Variants in EFL1 observed in about 807,000 individuals in gnomAD.
EFL1 encodes elongation factor-like GTPase 1.
EFL1 carries 76 observed loss-of-function variants against 126.7 expected under a neutral mutation model. The ratio of observed to expected loss-of-function variants is 0.60; its 90% CI spans 0.50 to 0.73. EFL1 has a LOEUF of 0.73. Among genes scored for constraint, EFL1 ranks in the 30% least tolerant of loss-of-function variants. The probability of loss-of-function intolerance (pLI) is 0.00; values close to 1 mark genes in which losing one functional copy is unlikely to be tolerated. For synonymous variants in EFL1, 410 were observed against 448.4 expected, an observed-to-expected ratio of 0.91 and a Z score of 1.08; for missense variants, 1,128 against 1,343.2, an observed-to-expected ratio of 0.84 and a Z score of 2.50.
Position 82,241,419 on chromosome 15 carries a change from T to C in EFL1, c.245-16A>G. 2 of 1,609,122 alleles carry C rather than the reference T, an allele frequency of 1.2e-6. No homozygotes were observed. Among genetic ancestry groups the C allele is most frequent in the Non-Finnish European group, 1.7e-6 (2 of 1,176,906 alleles). ...TCCTCATTACCTAAAATACAATTTG[T>C]AAACACACATTTTCAGTTGTCCAGG... On this transcript the variant is annotated splice_polypyrimidine_tract_variant and intron_variant, in intron 4 of 19. Transcript: ENST00000268206.
intron 19 of EFL1, among the ~76,000 whole-genome samples, chr15:82,133,564 G>A (rs1169091764): frequency 3.9e-5 from 6 of 152,206 alleles, no homozygotes; most frequent in Admixed American, 3.3e-4. Flanking sequence ...TACTGTAAGA[G>A]ATGTTAACAT....
At chr15:82,165,162 G>A (rs1020982061) in intron 15 of EFL1, among the ~76,000 whole-genome samples, 1 of 152,114 alleles carries the variant, frequency 6.6e-6, no homozygotes, top group Non-Finnish European at 1.5e-5. Context: ...CCAGGTACTT[G>A]AGAGGTTGAG....
In EFL1 at chr15:82,261,812, T is replaced by C; in HGVS notation, c.-19-15A>G. 2.5e-6 allele frequency: 4 copies of C among 1,598,728 alleles called. No homozygotes were observed. The highest frequency in any genetic ancestry group is 1.1e-5 in the South Asian group (1 of 89,664). ...ATTTCCTGTGACTAAAAATTAAATA[T>C]GTATTACAAATGGCCCAGAGGCTAA... On this transcript the variant is annotated splice_polypyrimidine_tract_variant and intron_variant, in intron 1 of 19. Transcript: ENST00000268206.
At chr15:82,209,376 T>C (rs150215546) in intron 15 of EFL1, among the ~76,000 whole-genome samples, 268 of 150,420 alleles carry the variant, frequency 1.8e-3, no homozygotes, top group African/African-American at 6.4e-3. Context: ...TGACTTCCTA[T>C]TGACCCAGCA....
intron 15 of EFL1, chr15:82,174,116 G>T (rs1444302586): frequency 6.6e-6 from 1 of 152,194 alleles, no homozygotes; most frequent in Non-Finnish European, 1.5e-5. Context: ...GTGAACCCGG[G>T]AGGCGGAGTT....
In EFL1 at chr15:82,154,881, C is replaced by T. The variant is rs182380242; in HGVS notation, c.2031-2458G>A. ...GGCTCAAGCAACCCTCTTGCCTCAG[C>T]TTCCTGAGTATCTGGTATTACAGGC... On this transcript the variant is annotated intron_variant, in intron 17 of 19. Transcript: ENST00000268206. Among the ~76,000 whole-genome samples the T allele has an allele frequency of 3.9e-5, 6 of 152,318 alleles. No individual in the cohort carries two copies. The East Asian group carries it at 1.2e-3, about 29-fold the overall frequency.
intron 19 of EFL1, among the ~76,000 whole-genome samples, chr15:82,137,765 A>G (rs1310108776): frequency 1.3e-5 from 2 of 152,208 alleles, no homozygotes; most frequent in Non-Finnish European, 2.9e-5. Flanking sequence ...TGAGTTTACA[A>G]TTTGATTCCT....
chr15:82,254,931 T>C (rs988943773), intron 3 of EFL1, among the ~76,000 whole-genome samples: 6 of 152,144 alleles, frequency 3.9e-5, no homozygotes, highest in African/African-American at 9.7e-5. Context: ...GAGAATGAGA[T>C]GTAGACCTTC....
chr15:82,244,970 G>A (rs2074958247), intron 4 of EFL1, among the ~76,000 whole-genome samples: 2 of 152,254 alleles, frequency 1.3e-5, no homozygotes, highest in Admixed American at 6.5e-5. Context: ...ATGTGTCAGT[G>A]TATTGGTAGA....
chr15:82,250,096 G>A (rs960689252), intron 4 of EFL1, among the ~76,000 whole-genome samples: 3 of 150,494 alleles, frequency 2.0e-5, no homozygotes, highest in Non-Finnish European at 4.4e-5. Flanking sequence ...CAATCATCAG[G>A]TTTCCCTCTT....
chr15:82,173,224 C>A (rs976604426), intron 15 of EFL1, among the ~76,000 whole-genome samples: 2 of 151,792 alleles, frequency 1.3e-5, no homozygotes, highest in Non-Finnish European at 2.9e-5. Context: ...TAAAACAGTA[C>A]AATAATAGCA....
chr15:82,241,667 A>G (rs72749601), intron 4 of EFL1, among the ~76,000 whole-genome samples: 2,352 of 152,330 alleles, frequency 0.015, 30 homozygotes, highest in Non-Finnish European at 0.023. Context: ...AGCCACTATG[A>G]TACTCACTTT....
Position 82,227,546 on chromosome 15 carries a change from G to T in EFL1, c.1096C>A (p.Pro366Thr). Residue 366 changes from proline (P) to threonine (T), a missense_variant, in exon 11 of 20, where the codon CCC becomes ACC. Pro to Thr is a conservative substitution (Grantham distance 38). This residue lies in a region of EFL1 where 316 missense variants were observed against 318.5 expected (regional missense o/e 0.99). Coordinates refer to ENST00000268206, the MANE Select transcript of EFL1 (RefSeq NM_024580.6). Reference sequence around the variant, plus strand: ...ACTCTCTCAGCTGTAATATCAAGGGGACTAGGAAGTTTCTGACACACCATA... The same window carrying T: ...ACTCTCTCAGCTGTAATATCAAGGGTACTAGGAAGTTTCTGACACACCATA... ...LAMVCQKLPSPLDITAERVER... is the reference protein window; with the variant it reads ...LAMVCQKLPSTLDITAERVER... 1 of 1,614,124 alleles carries T rather than the reference G, an allele frequency of 6.2e-7. No homozygotes were observed. The highest frequency in any genetic ancestry group is 8.5e-7 in the Non-Finnish European group (1 of 1,180,008).
intron 15 of EFL1, among the ~76,000 whole-genome samples, chr15:82,180,751 T>TC: frequency 6.6e-6 from 1 of 151,916 alleles, no homozygotes; most frequent in South Asian, 2.1e-4. Context: ...AATTTTTCTT[T>TC]CTTTTTTTTT....
intron 15 of EFL1, among the ~76,000 whole-genome samples, chr15:82,200,888 G>T (rs2074460527): frequency 1.3e-5 from 2 of 150,752 alleles, no homozygotes; most frequent in African/African-American, 4.9e-5. Flanking sequence ...ATGTACTTGA[G>T]AATTTTTTTT....
At chr15:82,135,626 A>G (rs2073712501) in intron 19 of EFL1, among the ~76,000 whole-genome samples, 1 of 152,222 alleles carries the variant, frequency 6.6e-6, no homozygotes, top group Admixed American at 6.5e-5. Context: ...CTGTATTCCA[A>G]CAAATTTTAT....
At chr15:82,156,230 G>A (rs751296722) in intron 17 of EFL1, among the ~76,000 whole-genome samples, 5 of 152,116 alleles carry the variant, frequency 3.3e-5, no homozygotes, top group South Asian at 2.1e-4. Flanking sequence ...ATGAGGTAGC[G>A]GTCTAGTTTC....
At chr15:82,140,773 G>A (rs2073778055) in intron 18 of EFL1, among the ~76,000 whole-genome samples, 1 of 151,968 alleles carries the variant, frequency 6.6e-6, no homozygotes, top group African/African-American at 2.4e-5. Context: ...TATTTCCCCC[G>A]TCATTCATAC....
intron 15 of EFL1, among the ~76,000 whole-genome samples, chr15:82,204,338 C>T (rs1019704196): frequency 6.6e-6 from 1 of 152,086 alleles, no homozygotes; most frequent in African/African-American, 2.4e-5. Context: ...TCACCTTTCC[C>T]CCAAGCTATC....
Sources: allele counts gnomAD v4.1 joint callset (sites outside exome capture counted in the v4.1 genomes callset), GRCh38; gene constraint gnomAD v4.1.1; regional missense constraint gnomAD v4.1.1; transcripts MANE v1.5; gene names NCBI Gene and HGNC (gene_info 2026-07-23, HGNC 2026-07-21).